The following CCNH variants were observed in gnomAD, a reference collection of about 807,000 sequenced individuals.
CCNH encodes cyclin H.
A neutral mutation model predicts 41.9 loss-of-function variants in CCNH; 31 were observed. The observed-to-expected ratio is 0.74, with a 90% CI of 0.56 to 1.00. The LOEUF (loss-of-function observed/expected upper bound fraction) is 1.00, where lower values mean the gene tolerates loss of function less well. Ranked by LOEUF, CCNH falls within the 50% of genes least tolerant of loss-of-function variation. CCNH has a pLI of 0.00. For missense variants in CCNH, 362 were observed against 388.4 expected (o/e 0.93, Z 0.57); for synonymous variants, 138 against 136.1 (o/e 1.01, Z -0.10).
chr5:87,372,001 G>A, downstream of CCNH: 2 of 716,732 alleles, frequency 2.8e-6, no homozygotes, highest in Non-Finnish European at 4.7e-6. Flanking sequence ...TCTGAGAATA[G>A]AAATGGCAGT....
chr5:87,330,859 C>A, intron 9 of CCNH: 1 of 845,116 alleles, frequency 1.2e-6, no homozygotes, highest in Admixed American at 3.7e-5. Context: ...AAAATAGCAT[C>A]CTTTAGACAG....
rs566449850 is a variant in CCNH at position 87,362,781 on chromosome 5, T to C, written c.*90+29989A>G. 31 of 1,282,030 alleles carry C rather than the reference T, an allele frequency of 2.4e-5. No homozygotes were observed. In the African/African-American group the frequency reaches 3.7e-4, roughly 15 times the overall value. The allele number at this position is 1,282,030 out of a possible 1,614,324, so 79.4% of individuals were successfully genotyped here. A position where few individuals can be genotyped will look rare whatever the true frequency, so the allele number is the denominator to read the frequency against. Reference sequence around the variant, plus strand: ...AAGTTTTGACATGAGTTATTAGTAATTGACACTTGTTTAGAGCCCATATAT... The same window carrying C: ...AAGTTTTGACATGAGTTATTAGTAACTGACACTTGTTTAGAGCCCATATAT... On this transcript the variant is annotated intron_variant and NMD_transcript_variant, in intron 9 of 9. Coordinates refer to the CCNH transcript ENST00000645953.
downstream of CCNH, among the ~76,000 whole-genome samples, chr5:87,313,752 C>T (rs1366277787): frequency 6.6e-6 from 1 of 152,064 alleles, no homozygotes; most frequent in Admixed American, 6.5e-5. Flanking sequence ...TAATTATGAC[C>T]AAGGGATCAA....
downstream of CCNH, among the ~76,000 whole-genome samples, chr5:87,314,102 C>T (rs560177280): frequency 2.6e-5 from 4 of 152,126 alleles, no homozygotes; most frequent in South Asian, 2.1e-4. Flanking sequence ...GAACCCGGGA[C>T]GTGGAGGTTG....
chr5:87,410,616 A>C (rs1305113488), intron 2 of CCNH, among the ~76,000 whole-genome samples: 2 of 152,194 alleles, frequency 1.3e-5, no homozygotes, highest in Non-Finnish European at 2.9e-5. Flanking sequence ...ATAACGTAAC[A>C]ACATTTTGAA....
intron 9 of CCNH, chr5:87,333,388 G>A (rs911785579): frequency 6.9e-6 from 11 of 1,602,930 alleles, no homozygotes; most frequent in Admixed American, 1.7e-5. Context: ...GCTAGACTTC[G>A]AAGATTTATT....
chr5:87,390,743 T>A (rs1010489348), downstream of CCNH: 2 of 1,432,334 alleles, frequency 1.4e-6, no homozygotes, highest in Admixed American at 1.7e-5. Flanking sequence ...CAGGTTCCCA[T>A]CCTGAAATTG....
intron 9 of CCNH, among the ~76,000 whole-genome samples, chr5:87,338,533 A>ATTT (rs1491365794): frequency 1.1e-5 from 1 of 91,326 alleles, no homozygotes; most frequent in Non-Finnish European, 2.0e-5. Flanking sequence ...ATATATATAT[A>ATTT]AAATTTTTTT....
At chr5:87,386,688 G>A, downstream of CCNH, 2 of 713,102 alleles carry the variant, frequency 2.8e-6, no homozygotes, top group South Asian at 3.0e-5. Flanking sequence ...ATTGCTACAT[G>A]TATGGGTTTT....
At chr5:87,360,025 T>C (rs1580349274) in intron 9 of CCNH, among the ~76,000 whole-genome samples, 1 of 152,334 alleles carries the variant, frequency 6.6e-6, no homozygotes, top group Non-Finnish European at 1.5e-5. Flanking sequence ...ATTACTTTGG[T>C]TCTTCTTGCA....
In CCNH at chr5:87,335,023, C is replaced by T. The variant is rs189406401; in HGVS notation, c.*91-16126G>A. Among the ~76,000 whole-genome samples, 277 of 152,222 alleles carry T rather than the reference C, an allele frequency of 1.8e-3. 1 individual carries two copies. Among genetic ancestry groups the T allele is most frequent in the Admixed American group, 5.0e-3 (76 of 15,292 alleles). Reference sequence around the variant, plus strand: ...TCGGTCTTCTGAGCAGCTGGAATTACAGGCGTGTGTCACCAAGTCCAGCTA... The same window carrying T: ...TCGGTCTTCTGAGCAGCTGGAATTATAGGCGTGTGTCACCAAGTCCAGCTA... On this transcript the variant is annotated intron_variant and NMD_transcript_variant, in intron 9 of 9. Coordinates refer to the CCNH transcript ENST00000645953.
At position 87,383,747 on chromosome 5, in the gene CCNH, A is replaced by G. The variant is rs113316011; in HGVS notation, c.*90+9023T>C. Reference sequence around the variant, plus strand: ...TTTTCTTCGACTCATCTGTCCTGCCATCCTGAATCCACGGATGTTCAATAT... The same window carrying G: ...TTTTCTTCGACTCATCTGTCCTGCCGTCCTGAATCCACGGATGTTCAATAT... On this transcript the variant is annotated intron_variant and NMD_transcript_variant, in intron 9 of 9. Coordinates refer to the CCNH transcript ENST00000645953. 7.4e-5 allele frequency: 120 copies of G among 1,611,784 alleles called. No individual in the cohort carries two copies. The highest frequency in any genetic ancestry group is 4.0e-4 in the Admixed American group (24 of 59,810).
intron 5 of CCNH, among the ~76,000 whole-genome samples, chr5:87,402,455 T>C (rs1763486427): frequency 6.6e-6 from 1 of 152,198 alleles, no homozygotes. Context: ...TTTACATACC[T>C]GAACTTGACC....
At chr5:87,392,460 C>CTCTT (rs1223167013), downstream of CCNH, 9 of 413,442 alleles carry the variant, frequency 2.2e-5, no homozygotes, top group Non-Finnish European at 4.3e-5. Context: ...CCCTTCTTGG[C>CTCTT]TCTTTTATCA....
chr5:87,325,382 T>C (rs1363830939), intron 9 of CCNH, among the ~76,000 whole-genome samples: 1 of 152,234 alleles, frequency 6.6e-6, no homozygotes, highest in Non-Finnish European at 1.5e-5. Flanking sequence ...AATATATTTG[T>C]TACAAATAAA....
exon 1 of CCNH, chr5:87,376,708 G>A (rs1761350160): frequency 8.0e-7 from 1 of 1,255,212 alleles, no homozygotes; most frequent in Non-Finnish European, 1.1e-6. Flanking sequence ...GTTTTATACT[G>A]TAATTTTGGT....
At position 87,349,132 on chromosome 5, in the gene CCNH, A is replaced by G. The variant is rs140719523; in HGVS notation, c.*91-30235T>C. On this transcript the variant is annotated intron_variant and NMD_transcript_variant, in intron 9 of 9. Coordinates refer to the CCNH transcript ENST00000645953. ...AATTTACATATGTTTATGACTTTGA[A>G]TGCACTTTGTAATAATACTACTTAA... The G allele has an allele frequency of 1.6e-3, 2,340 of 1,486,054 alleles. 64 individuals are homozygous for G. In the East Asian group the frequency reaches 0.045, roughly 29 times the overall value. 92.1% of individuals were successfully genotyped at this position (1,486,054 alleles called of 1,614,324 possible).
chr5:87,346,599 G>T, intron 9 of CCNH: 1 of 893,162 alleles, frequency 1.1e-6, no homozygotes, highest in South Asian at 1.6e-5. Flanking sequence ...TACTATATTG[G>T]TTGTTTAATT....
intron 9 of CCNH, among the ~76,000 whole-genome samples, chr5:87,338,536 A>ATATTTTTTTTTTTT: frequency 2.3e-5 from 2 of 85,222 alleles, no homozygotes; most frequent in African/African-American, 8.8e-5. Context: ...TATATATAAA[A>ATATTTTTTTTTTTT]TTTTTTTTTT....
Sources: gnomAD v4.1 joint callset for allele counts (sites outside exome capture counted in the v4.1 genomes callset) on GRCh38, gnomAD v4.1.1 for gene constraint, MANE v1.5 for transcripts, NCBI Gene and HGNC (gene_info 2026-07-23, HGNC 2026-07-21) for gene names.